The following RGS20 variants were observed in gnomAD, a reference collection of about 807,000 sequenced individuals.
RGS20 encodes regulator of G protein signaling 20.
Under a neutral mutation model 33.6 loss-of-function variants are expected in RGS20, and 30 were observed. That is an observed-to-expected ratio of 0.89 (90% confidence interval 0.67 to 1.21). RGS20 has a LOEUF of 1.21. Among genes scored for constraint, RGS20 ranks in the 50% most tolerant of loss-of-function variants. The pLI is 0.00. For missense variants in RGS20, 472 were observed against 502.4 expected (o/e 0.94, Z 0.58); for synonymous variants, 208 against 197.9 (o/e 1.05, Z -0.43).
At position 53,869,541 on chromosome 8, in the gene RGS20, T is replaced by C. The variant is rs1051534523; in HGVS notation, c.166-9717T>C. Among the ~76,000 whole-genome samples, 5 of 152,048 alleles carry C rather than the reference T, an allele frequency of 3.3e-5. No homozygotes were observed. In the South Asian group the frequency reaches 8.3e-4, roughly 25 times the overall value. ...AAACACAAAAATTAGCCGGGCATGC[T>C]GGCAGGTGCCTGTAGTCCCAGCTAC... is the stretch of plus-strand genomic sequence containing the variant. On this transcript the variant is annotated intron_variant, in intron 1 of 5. Transcript: ENST00000297313.
chr8:53,911,660 C>T (rs1670549814), intron 2 of RGS20, among the ~76,000 whole-genome samples: 1 of 152,124 alleles, frequency 6.6e-6, no homozygotes, highest in Non-Finnish European at 1.5e-5. Flanking sequence ...TGGCCAGGCA[C>T]GGTGGCTCAT....
chr8:53,921,487 C>A lies in RGS20; in HGVS notation c.511-18089C>A, dbSNP rs140392038. On this transcript the variant is annotated intron_variant, in intron 2 of 5. Transcript: ENST00000297313. ...ATACACCAGCCTGAACAGATCTGGGCTTTCCTTTGTAGGATTTTTTAAAAT... is the reference window on the plus strand; with the variant it reads ...ATACACCAGCCTGAACAGATCTGGGATTTCCTTTGTAGGATTTTTTAAAAT... Among the ~76,000 whole-genome samples, 82 of 149,942 alleles carry A rather than the reference C, an allele frequency of 5.5e-4. 1 individual carries two copies. The East Asian group carries it at 8.4e-3, about 15-fold the overall frequency.
chr8:53,932,295 A>G (rs866190200), intron 2 of RGS20, among the ~76,000 whole-genome samples: 16 of 152,196 alleles, frequency 1.1e-4, no homozygotes, highest in African/African-American at 3.1e-4. Context: ...CACACCCCTG[A>G]AAAGGGGGCT....
chr8:53,885,506 C>A (rs1413050701), intron 2 of RGS20, among the ~76,000 whole-genome samples: 1 of 151,922 alleles, frequency 6.6e-6, no homozygotes, highest in Non-Finnish European at 1.5e-5. Flanking sequence ...ACCAGCTACT[C>A]GGGAGGCTGA....
intron 2 of RGS20, among the ~76,000 whole-genome samples, chr8:53,936,830 C>T (rs1306632874): frequency 6.6e-6 from 1 of 152,192 alleles, no homozygotes; most frequent in Non-Finnish European, 1.5e-5. Flanking sequence ...CATCACGCTA[C>T]CTGACTTTAA....
intron 2 of RGS20, among the ~76,000 whole-genome samples, chr8:53,904,352 G>A (rs111514419): frequency 0.012 from 1,762 of 152,174 alleles, 42 homozygotes; most frequent in African/African-American, 0.04. Context: ...GGCTGGTCTC[G>A]AACTCCTGAC....
chr8:53,951,888 C>G (rs111411287), intron 4 of RGS20, among the ~76,000 whole-genome samples: 1,923 of 151,254 alleles, frequency 0.013, 42 homozygotes, highest in African/African-American at 0.044. Context: ...GTGGTGGCAC[C>G]CACCTGTAAT....
chr8:53,925,025 CT>C (rs1263181185), intron 2 of RGS20, among the ~76,000 whole-genome samples: 1 of 152,214 alleles, frequency 6.6e-6, no homozygotes, highest in Non-Finnish European at 1.5e-5. Flanking sequence ...TCCCTTTTAG[CT>C]TCTGGACTGA....
chr8:53,911,381 G>A (rs1050594427), intron 2 of RGS20, among the ~76,000 whole-genome samples: 4 of 152,082 alleles, frequency 2.6e-5, no homozygotes, highest in Non-Finnish European at 4.4e-5. Flanking sequence ...ACTAACCTTT[G>A]GCAAATCTGA....
At chr8:53,953,182 G>A (rs1216702615) in intron 4 of RGS20, among the ~76,000 whole-genome samples, 1 of 152,126 alleles carries the variant, frequency 6.6e-6, no homozygotes, top group African/African-American at 2.4e-5. Flanking sequence ...TGTAACAAAA[G>A]TGCACTTGCA....
chr8:53,898,321 T>C (rs965185578), intron 2 of RGS20, among the ~76,000 whole-genome samples: 3 of 152,180 alleles, frequency 2.0e-5, no homozygotes, highest in Non-Finnish European at 4.4e-5. Context: ...ACTCAGAGTG[T>C]ACCTAGAAGT....
intron 5 of RGS20, among the ~76,000 whole-genome samples, chr8:53,954,976 G>A (rs999779433): frequency 1.3e-5 from 2 of 151,468 alleles, no homozygotes; most frequent in African/African-American, 4.8e-5. Context: ...GTGAGCCACC[G>A]TGCCCGGCCT....
At chr8:53,890,498 C>T (rs956153724) in intron 2 of RGS20, among the ~76,000 whole-genome samples, 2 of 152,092 alleles carry the variant, frequency 1.3e-5, no homozygotes, top group African/African-American at 4.8e-5. Context: ...TATAAAGAAA[C>T]TGTGTAGGTT....
chr8:53,885,581 T>C (rs765443252), intron 2 of RGS20, among the ~76,000 whole-genome samples: 7 of 151,796 alleles, frequency 4.6e-5, no homozygotes, highest in Non-Finnish European at 7.4e-5. Context: ...GCCACTGCAC[T>C]CCAGTCTGGG....
At chr8:53,939,110 G>C (rs778158440) in intron 2 of RGS20, among the ~76,000 whole-genome samples, 3 of 152,172 alleles carry the variant, frequency 2.0e-5, no homozygotes, top group Admixed American at 1.3e-4. Context: ...CCTCTCGTCA[G>C]CCTGCTGTAT....
chr8:53,936,306 A>G (rs1814133222), intron 2 of RGS20, among the ~76,000 whole-genome samples: 1 of 152,200 alleles, frequency 6.6e-6, no homozygotes, highest in South Asian at 2.1e-4. Context: ...AGAGAGTCAA[A>G]TTATCTCTGT....
At chr8:53,951,462 C>A (rs1814706803) in intron 4 of RGS20, among the ~76,000 whole-genome samples, 1 of 151,792 alleles carries the variant, frequency 6.6e-6, no homozygotes, top group Non-Finnish European at 1.5e-5. Context: ...ACACTCCAGC[C>A]TGGGCAACAC....
chr8:53,927,592 C>A (rs1813840634), intron 2 of RGS20, among the ~76,000 whole-genome samples: 1 of 152,118 alleles, frequency 6.6e-6, no homozygotes. Flanking sequence ...AGCCCTAGGA[C>A]CATCAGGTGA....
At chr8:53,904,373 C>T (rs750679662) in intron 2 of RGS20, among the ~76,000 whole-genome samples, 5 of 152,160 alleles carry the variant, frequency 3.3e-5, no homozygotes, top group Non-Finnish European at 5.9e-5. Context: ...CTCAAGTGAT[C>T]CTTCTGCCTT....
Sources: allele counts gnomAD v4.1 joint callset (sites outside exome capture counted in the v4.1 genomes callset), GRCh38; gene constraint gnomAD v4.1.1; transcripts MANE v1.5; gene names NCBI Gene and HGNC (gene_info 2026-07-23, HGNC 2026-07-21).